RAI1: variants seen among roughly 807,000 people sequenced by gnomAD.
RAI1 encodes the protein retinoic acid-induced protein 1.
A neutral mutation model predicts 123.8 loss-of-function variants in RAI1; 9 were observed. The ratio of observed to expected loss-of-function variants is 0.07; its 90% CI spans 0.04 to 0.13. The LOEUF (loss-of-function observed/expected upper bound fraction) is 0.13. RAI1 is among the 10% of genes least tolerant of loss of function. RAI1 has a pLI of 1.00. For synonymous variants in RAI1, 1,231 were observed against 1,127.3 expected (o/e 1.09, Z -1.84); for missense variants, 2,256 against 2,545.8 (o/e 0.89, Z 2.45).
intron 2 of RAI1, among the ~76,000 whole-genome samples, chr17:17,755,049 A>ATTCACACC: frequency 6.6e-6 from 1 of 152,270 alleles, no homozygotes; most frequent in Admixed American, 6.5e-5. Flanking sequence ...CCCCCACAAC[A>ATTCACACC]TTCACACCAT....
rs569981592 is a variant in RAI1 at position 17,808,533 on chromosome 17, C to T, written c.5660-857C>T. ...TACAATCACAGCTCACTGCAACCTCCGCCTCCCAGGCTCAAGTGATCCTCC... is the reference window on the plus strand; with the variant it reads ...TACAATCACAGCTCACTGCAACCTCTGCCTCCCAGGCTCAAGTGATCCTCC... On this transcript the variant is annotated intron_variant, in intron 4 of 5. Transcript: ENST00000353383. 6.6e-5 allele frequency among the ~76,000 whole-genome samples: 10 copies of T among 151,912 alleles called. No homozygotes were observed. The South Asian group carries it at 1.7e-3, about 25-fold the overall frequency.
intron 2 of RAI1, among the ~76,000 whole-genome samples, chr17:17,734,161 C>T (rs1232017726): frequency 6.6e-6 from 1 of 152,114 alleles, no homozygotes; most frequent in Non-Finnish European, 1.5e-5. Flanking sequence ...TGGGGGGTAT[C>T]AGACAAAGGG....
At chr17:17,689,683 C>T (rs1234849916) in intron 1 of RAI1, among the ~76,000 whole-genome samples, 1 of 152,212 alleles carries the variant, frequency 6.6e-6, no homozygotes, top group Non-Finnish European at 1.5e-5. Flanking sequence ...CACTTGCGAA[C>T]TTAGCCAAGT....
intron 2 of RAI1, among the ~76,000 whole-genome samples, chr17:17,756,899 A>G (rs971346776): frequency 2.0e-5 from 3 of 152,198 alleles, no homozygotes; most frequent in African/African-American, 7.2e-5. Flanking sequence ...CCCGGTGGGA[A>G]CGGTATTCTG....
At chr17:17,803,940 C>G in intron 4 of RAI1, 91 bp downstream of exon 4, 1 of 1,205,296 alleles carries the variant, frequency 8.3e-7, no homozygotes, top group South Asian at 1.2e-5. Context: ...AAACCCAGGC[C>G]CCATCTCACT....
Position 17,797,210 on chromosome 17 carries a change from C to T in RAI1, c.4262C>T (p.Thr1421Ile), listed in dbSNP as rs764179737. Residue 1421 changes from threonine (T) to isoleucine (I), a missense_variant, in exon 3 of 6, where the codon ACT (threonine) becomes ATT (isoleucine). Physicochemically the swap from Thr to Ile is moderately conservative, Grantham distance 89 (BLOSUM62 -1). Transcript: ENST00000353383. The stretch of plus-strand genomic sequence containing the variant: ...ATGAACAGTAAGAAACTGTCTTCTA[C>T]TGACTGTTTCAAAACCGAGGCCTTC... ...KLMNSKKLSS[T>I]DCFKTEAFTS... The T allele has an allele frequency of 5.6e-6, 9 of 1,613,792 alleles. No individual in the cohort carries two copies. In the South Asian group the frequency reaches 8.8e-5, roughly 16 times the overall value.
In RAI1 at chr17:17,794,491, G is replaced by T. The variant is rs1302017285; in HGVS notation, c.1543G>T (p.Ala515Ser). ...PQSTHAEPQE[A>S]DYLSGSEDPL... The stretch of plus-strand genomic sequence containing the variant: ...GTCCACGCATGCGGAGCCGCAGGAG[G>T]CCGACTACCTGAGCGGCTCCGAGGA... Residue 515 changes from alanine to serine, a missense_variant, in exon 3 of 6, where the codon GCC becomes TCC. Around this residue, in one of 7 missense-constraint regions of RAI1, gnomAD observed 357 missense variants for 480.2 expected, o/e 0.74. Transcript: ENST00000353383. 1 of 1,611,982 alleles carries T rather than the reference G, an allele frequency of 6.2e-7. No individual in the cohort carries two copies. The highest frequency in any genetic ancestry group is 1.7e-5 in the Admixed American group (1 of 59,868).
chr17:17,771,512 C>G (rs543591277), intron 2 of RAI1, among the ~76,000 whole-genome samples: 1 of 152,304 alleles, frequency 6.6e-6, no homozygotes, highest in East Asian at 1.9e-4. Context: ...AGTGCATCAA[C>G]CTGGGGTGCA....
At position 17,764,927 on chromosome 17, in the gene RAI1, G is replaced by A. The variant is rs184736594; in HGVS notation, c.-16-28006G>A. Among the ~76,000 whole-genome samples the A allele has an allele frequency of 1.3e-4, 20 of 152,348 alleles. No individual in the cohort carries two copies. In the East Asian group the frequency reaches 1.7e-3, roughly 13 times the overall value. The stretch of plus-strand genomic sequence containing the variant: ...ACTATTTATGAGACCTATCTGTGCT[G>A]TGTGTGGCAGTGGTTTTTCATTATT... On this transcript the variant is annotated intron_variant, in intron 2 of 5. Transcript: ENST00000353383.
At position 17,703,620 on chromosome 17, in the gene RAI1, A is replaced by C. The variant is rs1321676188; in HGVS notation, c.-148-20408A>C. ...CTCATAGAGGTTAAGGTCACAGAGC[A>C]GAGCTGGGTCTGTTTTCTTTTTGTT... On this transcript the variant is annotated intron_variant, in intron 1 of 5. Transcript: ENST00000353383. 2.0e-5 allele frequency among the ~76,000 whole-genome samples: 3 copies of C among 152,176 alleles called. No individual in the cohort carries two copies. The East Asian group carries it at 5.8e-4, about 29-fold the overall frequency.
chr17:17,751,690 G>T (rs2030176530), intron 2 of RAI1, among the ~76,000 whole-genome samples: 2 of 152,196 alleles, frequency 1.3e-5, no homozygotes, highest in African/African-American at 4.8e-5. Context: ...TGTCCTGCCT[G>T]CAGTGCTCTT....
intron 2 of RAI1, among the ~76,000 whole-genome samples, chr17:17,735,353 CTTTTT>C (rs554442849): frequency 7.6e-6 from 1 of 132,422 alleles, no homozygotes; most frequent in African/African-American, 2.8e-5. Flanking sequence ...AATGCCCAGC[CTTTTT>C]TTTTTTTTTT....
chr17:17,715,956 AC>A (rs1437097394), intron 1 of RAI1, among the ~76,000 whole-genome samples: 5 of 152,208 alleles, frequency 3.3e-5, no homozygotes, highest in Non-Finnish European at 7.3e-5. Context: ...ACACACTGTT[AC>A]CCATTTTGCA....
chr17:17,689,150 G>A (rs1280589493), intron 1 of RAI1, among the ~76,000 whole-genome samples: 1 of 151,666 alleles, frequency 6.6e-6, no homozygotes, highest in East Asian at 1.9e-4. Flanking sequence ...TAGAGATGGT[G>A]TTTCACCATG....
At chr17:17,784,102 C>T (rs2031731474) in intron 2 of RAI1, among the ~76,000 whole-genome samples, 1 of 152,112 alleles carries the variant, frequency 6.6e-6, no homozygotes, top group Admixed American at 6.5e-5. Context: ...TTTCTTTAAA[C>T]GCCGCCGTCT....
At chr17:17,715,630 C>G (rs1915687234) in intron 1 of RAI1, among the ~76,000 whole-genome samples, 1 of 152,162 alleles carries the variant, frequency 6.6e-6, no homozygotes, top group Non-Finnish European at 1.5e-5. Context: ...GGTAGAAATT[C>G]AGATAGCACA....
intron 4 of RAI1, among the ~76,000 whole-genome samples, chr17:17,806,310 A>G (rs2143005752): frequency 6.6e-6 from 1 of 152,360 alleles, no homozygotes; most frequent in South Asian, 2.1e-4. Flanking sequence ...TATTTCAGAT[A>G]AAATCCTAGA....
Position 17,689,737 on chromosome 17 carries a change from A to G in RAI1, c.-149+7944A>G, listed in dbSNP as rs1914773392. 7.2e-5 allele frequency among the ~76,000 whole-genome samples: 11 copies of G among 152,198 alleles called. No homozygotes were observed. The South Asian group carries it at 2.3e-3, about 32-fold the overall frequency. On this transcript the variant is annotated intron_variant, in intron 1 of 5. Transcript: ENST00000353383. ...GGTTCTGTCATCTGTAAAATGGGGG[A>G]ACTGATAGAATCTACCTCATAGGGT...
chr17:17,725,776 A>C (rs1916068669), intron 2 of RAI1, among the ~76,000 whole-genome samples: 1 of 152,072 alleles, frequency 6.6e-6, no homozygotes, highest in South Asian at 2.1e-4. Flanking sequence ...CAGAGACACC[A>C]AGCTGGCAAC....
Sources: allele counts gnomAD v4.1 joint callset (sites outside exome capture counted in the v4.1 genomes callset), GRCh38; gene constraint gnomAD v4.1.1; regional missense constraint gnomAD v4.1.1; transcripts MANE v1.5; gene names NCBI Gene and HGNC (gene_info 2026-07-23, HGNC 2026-07-21).